Variants in PDGFRL observed in about 807,000 individuals in gnomAD.
The protein encoded by PDGFRL is platelet-derived growth factor receptor-like protein.
A neutral mutation model predicts 37.2 loss-of-function variants in PDGFRL; 46 were observed. That is an observed-to-expected ratio of 1.24 (90% CI 0.98 to 1.58). The LOEUF is 1.58. Among genes scored for constraint, PDGFRL ranks in the 40% most tolerant of loss-of-function variants. The pLI, the probability that PDGFRL is intolerant of heterozygous loss-of-function variation, is 0.00. For missense variants in PDGFRL, 692 were observed against 467.6 expected, an observed-to-expected ratio of 1.48 and a Z score of -4.43; for synonymous variants, 251 against 184.3, an observed-to-expected ratio of 1.36 and a Z score of -2.93.
intron 1 of PDGFRL, among the ~76,000 whole-genome samples, chr8:17,582,941 C>G (rs1384048805): frequency 1.3e-5 from 2 of 152,146 alleles, no homozygotes; most frequent in Admixed American, 1.3e-4. Context: ...CTGCCCCTAT[C>G]TCAGGTGCAC....
chr8:17,615,711 T>C (rs1379408719), intron 2 of PDGFRL, among the ~76,000 whole-genome samples: 1 of 152,036 alleles, frequency 6.6e-6, no homozygotes, highest in Non-Finnish European at 1.5e-5. Context: ...GGCCAGGAAT[T>C]CAAGACTAGC....
At chr8:17,599,809 C>A (rs1004913903) in intron 2 of PDGFRL, among the ~76,000 whole-genome samples, 2 of 152,174 alleles carry the variant, frequency 1.3e-5, no homozygotes, top group African/African-American at 4.8e-5. Context: ...ATCATATGTC[C>A]TCCTTCCCTG....
chr8:17,581,437 C>T (rs1803705450), intron 1 of PDGFRL, among the ~76,000 whole-genome samples: 2 of 152,014 alleles, frequency 1.3e-5, no homozygotes, highest in East Asian at 3.8e-4. Flanking sequence ...GAAGAAGTAC[C>T]CATAATTTGA....
intron 2 of PDGFRL, among the ~76,000 whole-genome samples, chr8:17,607,792 T>C (rs1804315052): frequency 6.6e-6 from 1 of 152,184 alleles, no homozygotes; most frequent in African/African-American, 2.4e-5. Flanking sequence ...ATAAAACAGC[T>C]TTGAAAGATA....
At chr8:17,608,283 G>T (rs967057003) in intron 2 of PDGFRL, among the ~76,000 whole-genome samples, 1 of 152,160 alleles carries the variant, frequency 6.6e-6, no homozygotes, top group African/African-American at 2.4e-5. Context: ...AGTTACATTG[G>T]AGCAGAGGTC....
At chr8:17,583,911 G>C (rs1437865554) in intron 1 of PDGFRL, among the ~76,000 whole-genome samples, 1 of 152,140 alleles carries the variant, frequency 6.6e-6, no homozygotes, top group Non-Finnish European at 1.5e-5. Context: ...TGAATCTTCT[G>C]GCCAGCAGAA....
At chr8:17,580,719 T>C (rs577665913) in intron 1 of PDGFRL, among the ~76,000 whole-genome samples, 14 of 152,282 alleles carry the variant, frequency 9.2e-5, no homozygotes, top group Admixed American at 5.2e-4. Context: ...TGGGAGGCTT[T>C]AAAACCGCAG....
intron 2 of PDGFRL, among the ~76,000 whole-genome samples, chr8:17,614,302 T>G (rs968160684): frequency 7.9e-5 from 12 of 152,152 alleles, no homozygotes; most frequent in Non-Finnish European, 1.5e-4. Context: ...ACATAAACAG[T>G]GACAGTTTCA....
chr8:17,617,217 G>A (rs1804547358), intron 2 of PDGFRL, among the ~76,000 whole-genome samples: 1 of 152,200 alleles, frequency 6.6e-6, no homozygotes, highest in African/African-American at 2.4e-5. Context: ...GTCAGGGCTA[G>A]AACTCCTAGT....
chr8:17,633,673 G>A (rs1298688711), intron 4 of PDGFRL, among the ~76,000 whole-genome samples: 1 of 152,166 alleles, frequency 6.6e-6, no homozygotes, highest in Non-Finnish European at 1.5e-5. Context: ...TTCGTCTTCT[G>A]CGGATGGTCA....
intron 4 of PDGFRL, among the ~76,000 whole-genome samples, chr8:17,629,884 C>G (rs533685201): frequency 2.6e-5 from 4 of 152,314 alleles, no homozygotes; most frequent in African/African-American, 7.2e-5. Flanking sequence ...TGCACCCACC[C>G]TGTTCTTGAG....
intron 2 of PDGFRL, among the ~76,000 whole-genome samples, chr8:17,592,865 T>C (rs988744120): frequency 6.6e-6 from 1 of 152,030 alleles, no homozygotes; most frequent in African/African-American, 2.4e-5. Context: ...CTATTAATGT[T>C]TGACTGACAA....
At chr8:17,598,510 G>A (rs908859071) in intron 2 of PDGFRL, among the ~76,000 whole-genome samples, 18 of 152,194 alleles carry the variant, frequency 1.2e-4, no homozygotes, top group African/African-American at 3.9e-4. Context: ...CATGTCAGAA[G>A]TCAGTTCTTA....
In PDGFRL at chr8:17,628,507, C is replaced by A. The variant is rs573144585; in HGVS notation, c.526C>A (p.Pro176Thr). The change falls in exon 4 of 6, where the codon CCT becomes ACT. Residue 176 changes from proline to threonine, a missense_variant. By Grantham distance (38) the Pro-to-Thr change is conservative (BLOSUM62 -1). Transcript: ENST00000251630. ...TGCAGAGAAAGGAGAACTCTTTGTA[C>A]CTTCTCCCAGCTACTTCGATGTTGT... Reference protein sequence around the residue: ...FFTEKGELFVPSPSYFDVVYL... With the variant: ...FFTEKGELFVTSPSYFDVVYL... 51 of 1,613,588 alleles carry A rather than the reference C, an allele frequency of 3.2e-5. No individual in the cohort carries two copies. In the South Asian group the frequency reaches 4.7e-4, roughly 15 times the overall value.
rs548083767 is a variant in PDGFRL at position 17,616,113 on chromosome 8, G to C, written c.354-4938G>C. Among the ~76,000 whole-genome samples the C allele has an allele frequency of 6.6e-5, 10 of 151,982 alleles. No homozygotes were observed. In the South Asian group the frequency reaches 2.1e-3, roughly 32 times the overall value. Reference sequence around the variant, plus strand: ...GACTCTGAAGGTCATGGTGGAGCTGGGATTTGAATCTGGTCAGTAGGGTTC... The same window carrying C: ...GACTCTGAAGGTCATGGTGGAGCTGCGATTTGAATCTGGTCAGTAGGGTTC... On this transcript the variant is annotated intron_variant, in intron 2 of 5. Transcript: ENST00000251630.
chr8:17,597,535 A>G (rs1804079938), intron 2 of PDGFRL, among the ~76,000 whole-genome samples: 1 of 110,258 alleles, frequency 9.1e-6, no homozygotes. Flanking sequence ...CCAAGTAGAG[A>G]AAAATGCAAT....
chr8:17,618,227 T>A (rs1332026856), intron 2 of PDGFRL, among the ~76,000 whole-genome samples: 2 of 152,112 alleles, frequency 1.3e-5, no homozygotes, highest in Non-Finnish European at 1.5e-5. Context: ...TGGCTAATGT[T>A]TAATTTTTTG....
chr8:17,639,839 G>A (rs986857003), intron 5 of PDGFRL, among the ~76,000 whole-genome samples: 69 of 152,084 alleles, frequency 4.5e-4, no homozygotes, highest in Non-Finnish European at 5.9e-5. Context: ...CAAGGCCAGG[G>A]AAGTTTTCTT....
intron 5 of PDGFRL, 55 bp from the exon 6 acceptor site, chr8:17,642,558 C>T (rs373751338): frequency 9.4e-7 from 1 of 1,058,410 alleles, no homozygotes; most frequent in East Asian, 2.4e-5. Flanking sequence ...TGAGTGGGAG[C>T]TCTTTATAGC....
Sources: gnomAD v4.1 joint callset for allele counts (sites outside exome capture counted in the v4.1 genomes callset) on GRCh38, gnomAD v4.1.1 for gene constraint, MANE v1.5 for transcripts, NCBI Gene and HGNC (gene_info 2026-07-23, HGNC 2026-07-21) for gene names.